The following CENPI variants were observed in gnomAD, a reference collection of about 807,000 sequenced individuals.
CENPI encodes centromere protein I.
In CENPI, 4 loss-of-function variants were observed where a neutral mutation model predicts 60.4. That is an observed-to-expected ratio of 0.07 (90% CI 0.03 to 0.15). CENPI has a LOEUF of 0.15. CENPI is among the 10% of genes least tolerant of loss of function. The pLI, the probability that CENPI is intolerant of heterozygous loss-of-function variation, is 1.00. For missense variants in CENPI, 444 were observed against 534.5 expected, an observed-to-expected ratio of 0.83 and a Z score of 1.67; for synonymous variants, 157 against 189.4, an observed-to-expected ratio of 0.83 and a Z score of 1.40.
Position 101,165,395 on chromosome X carries a change from A to G in CENPI, c.*2428A>G, listed in dbSNP as rs2090140167. 9.0e-6 allele frequency among the ~76,000 whole-genome samples: 1 copy of G among 111,466 alleles called. No homozygotes were observed. Among genetic ancestry groups the G allele is most frequent in the African/African-American group, 3.3e-5 (1 of 30,672 alleles). On this transcript the variant is annotated 3_prime_UTR_variant, in exon 22 of 22. Transcript: ENST00000682095. ...TTCAGACTCTGTTTTGTAAGTAGAG[A>G]AGATAATGTCTGCTGATAGCTTGGA...
chrX:101,181,115 C>T, the CENPI span, among the ~76,000 whole-genome samples: 7 of 34,219 alleles, frequency 2.0e-4, no homozygotes, highest in South Asian at 3.2e-3. Flanking sequence ...TATAGAAGTA[C>T]GGAGCTATTT....
rs764207052 is a variant in CENPI at position 101,127,067 on chromosome X, G to A, written c.778-71G>A. The A allele has an allele frequency of 3.5e-5, 30 of 860,532 alleles. No homozygotes were observed. In the African/African-American group the frequency reaches 5.1e-4, roughly 15 times the overall value. The allele number at this position is 860,532 out of a possible 1,213,427, so 70.9% of individuals were successfully genotyped here. A position where few individuals can be genotyped will look rare whatever the true frequency, so the allele number is the denominator to read the frequency against. On this transcript the variant is annotated intron_variant, in intron 9 of 21. Transcript: ENST00000682095. Reference sequence around the variant, plus strand: ...TTCATAATATATTTTCAATTAATGAGGCATTTTAGACTTTATGTTGCTTCA... The same window carrying A: ...TTCATAATATATTTTCAATTAATGAAGCATTTTAGACTTTATGTTGCTTCA...
chrX:101,136,092 C>G, intron 15 of CENPI, among the ~76,000 whole-genome samples: 1 of 112,232 alleles, frequency 8.9e-6, no homozygotes, highest in South Asian at 3.7e-4. Flanking sequence ...TTTATATTTA[C>G]CTTCTCAAAG....
At chrX:101,135,752 G>A (rs1404461079) in intron 15 of CENPI, among the ~76,000 whole-genome samples, 5 of 110,616 alleles carry the variant, frequency 4.5e-5, no homozygotes, top group South Asian at 3.8e-4. Context: ...ATGGAGTCTC[G>A]CTCTGTCGCC....
chrX:101,144,324 C>T (rs947742740), intron 16 of CENPI, among the ~76,000 whole-genome samples: 1 of 108,953 alleles, frequency 9.2e-6, no homozygotes, highest in African/African-American at 3.3e-5. Context: ...CTCAAGTGAT[C>T]CGACTGCCTT....
In CENPI at chrX:101,158,459, G is replaced by A. The variant is rs184936700; in HGVS notation, c.2095-3069G>A. Among the ~76,000 whole-genome samples the A allele has an allele frequency of 1.3e-3, 144 of 108,767 alleles. 1 individual carries two copies. In the Middle Eastern group the frequency reaches 0.014, roughly 11 times the overall value. 94.5% of individuals were successfully genotyped at this position (108,767 alleles called of 115,157 possible). On this transcript the variant is annotated intron_variant, in intron 20 of 21. Coordinates refer to ENST00000682095, the MANE Select transcript of CENPI (RefSeq NM_001386188.2). ...CGCCTGGCTAATTTTTGTATTTTTA[G>A]TAGAGACGGAGTTTCACCATGTTGA...
At chrX:101,124,329 TTTC>T (rs1258044246) in intron 8 of CENPI, among the ~76,000 whole-genome samples, 4 of 110,769 alleles carry the variant, frequency 3.6e-5, no homozygotes, top group Non-Finnish European at 7.5e-5. Context: ...TGTTGGACAT[TTTC>T]TTCTTCTTCT....
At chrX:101,100,211 A>G (rs2089398771) in intron 2 of CENPI, 1 of 111,401 alleles carries the variant, frequency 9.0e-6, no homozygotes, top group South Asian at 3.7e-4. Flanking sequence ...CAAATAGATG[A>G]CATTTAGTAA....
chrX:101,158,985 A>G (rs1260957490), intron 20 of CENPI, among the ~76,000 whole-genome samples: 1 of 110,862 alleles, frequency 9.0e-6, no homozygotes, highest in Non-Finnish European at 1.9e-5. Context: ...AAGAGGCTCG[A>G]GTGGAAACAG....
rs1776752175 is a variant in CENPI at position 101,163,879 on chromosome X, C to CA, written c.*918dup. On this transcript the variant is annotated 3_prime_UTR_variant, in exon 22 of 22. Transcript: ENST00000682095. ...TAAAACCCTGTCTCTACTAAAAATA[C>CA]AAAAAATTGGCCGGGCATGCCGGCA... 9.0e-6 allele frequency among the ~76,000 whole-genome samples: 1 copy of CA among 111,082 alleles called. No individual in the cohort carries two copies. The highest frequency in any genetic ancestry group is 3.3e-5 in the African/African-American group (1 of 30,540).
chrX:101,109,537 T>C lies in CENPI; in HGVS notation c.429T>C (p.Ser143=). 1 of 1,210,609 alleles carries C rather than the reference T, an allele frequency of 8.3e-7. No homozygotes were observed. The highest frequency in any genetic ancestry group is 2.2e-5 in the Admixed American group (1 of 46,050). Residue 143 remains serine (S), a synonymous_variant, in exon 5 of 22, where the codon TCT becomes TCC. Coordinates refer to ENST00000682095, the MANE Select transcript of CENPI (RefSeq NM_001386188.2). ...CAGCAACAGTAATATCAGAAGATTC[T>C]GTGGTTAAGGCAGTCTCCTGGCTTT... ...MIPATVISED[S]VVKAVSWLCV... is the part of the protein sequence containing the mutation.
chrX:101,116,830 C>T (rs1235442935), intron 6 of CENPI, among the ~76,000 whole-genome samples: 7 of 111,905 alleles, frequency 6.3e-5, no homozygotes, highest in Non-Finnish European at 1.9e-5. Flanking sequence ...AATTTCATCA[C>T]ATCCTCACCA....
intron 4 of CENPI, among the ~76,000 whole-genome samples, chrX:101,105,781 T>A (rs921607680): frequency 9.0e-6 from 1 of 111,706 alleles, no homozygotes; most frequent in East Asian, 2.8e-4. Context: ...GTTATCTTGA[T>A]GTCTGCTAGG....
the CENPI span, among the ~76,000 whole-genome samples, chrX:101,173,528 T>C: frequency 9.2e-6 from 1 of 109,105 alleles, no homozygotes. Context: ...TTAAATAGAA[T>C]TAGGAAGCTT....
chrX:101,128,915 G>T, intron 12 of CENPI, 79 bp downstream of exon 12: 1 of 860,955 alleles, frequency 1.2e-6, no homozygotes, highest in Non-Finnish European at 1.7e-6. Flanking sequence ...TAGACAGCAG[G>T]AGCCTTCATA....
Position 101,156,390 on chromosome X carries a change from C to A in CENPI, c.2095-5138C>A, listed in dbSNP as rs186441009. On this transcript the variant is annotated intron_variant, in intron 20 of 21. Transcript: ENST00000682095. The stretch of plus-strand genomic sequence containing the variant: ...TCCTGTGAGGTTGTAAGGTTAGGCA[C>A]CATTATTCCCATCTGGAAGGTGAAA... Among the ~76,000 whole-genome samples, 633 of 111,834 alleles carry A rather than the reference C, an allele frequency of 5.7e-3. 5 individuals are homozygous for A. Among genetic ancestry groups the A allele is most frequent in the African/African-American group, 0.017 (512 of 30,811 alleles).
At chrX:101,122,448 C>T (rs1045728150) in intron 8 of CENPI, among the ~76,000 whole-genome samples, 1 of 111,607 alleles carries the variant, frequency 9.0e-6, no homozygotes, top group African/African-American at 3.3e-5. Flanking sequence ...TTTCTTAGTT[C>T]TCTGAAGATA....
chrX:101,101,618 C>G (rs1385623908), intron 3 of CENPI, among the ~76,000 whole-genome samples: 2 of 109,957 alleles, frequency 1.8e-5, no homozygotes, highest in Non-Finnish European at 3.8e-5. Context: ...TACTCTTAGA[C>G]TTTCTGATTT....
chrX:101,111,760 G>A (rs145404709), intron 6 of CENPI, among the ~76,000 whole-genome samples: 388 of 111,646 alleles, frequency 3.5e-3, no homozygotes, highest in African/African-American at 0.011. Flanking sequence ...ATGGCCAAGC[G>A]CGGTGGCTCA....
Sources: allele counts gnomAD v4.1 joint callset (sites outside exome capture counted in the v4.1 genomes callset), GRCh38; gene constraint gnomAD v4.1.1; transcripts MANE v1.5; gene names NCBI Gene and HGNC (gene_info 2026-07-23, HGNC 2026-07-21).